Variants in EPHA5 observed in about 807,000 individuals in gnomAD.
EPHA5 encodes ephrin type-A receptor 5.
A neutral mutation model predicts 105.0 loss-of-function variants in EPHA5; 60 were observed. The observed-to-expected ratio is 0.57, with a 90% CI of 0.46 to 0.71. The LOEUF (loss-of-function observed/expected upper bound fraction) is 0.71. Ranked by LOEUF, EPHA5 falls within the 30% of genes least tolerant of loss-of-function variation. The pLI is 0.00. For synonymous variants in EPHA5, 513 were observed against 449.1 expected (o/e 1.14, Z -1.80); for missense variants, 1,218 against 1,274.7 (o/e 0.96, Z 0.68).
chr4:65,569,848 C>G (rs1432402469), intron 3 of EPHA5, among the ~76,000 whole-genome samples: 1 of 151,658 alleles, frequency 6.6e-6, no homozygotes, highest in Non-Finnish European at 1.5e-5. Context: ...TTTGCATACC[C>G]TCATCCTCCA....
At chr4:65,568,158 G>C (rs1051296644) in intron 3 of EPHA5, among the ~76,000 whole-genome samples, 9 of 151,404 alleles carry the variant, frequency 5.9e-5, no homozygotes, top group African/African-American at 2.2e-4. Context: ...TGTTACCTCA[G>C]ATGACAACTA....
intron 8 of EPHA5, among the ~76,000 whole-genome samples, chr4:65,375,681 C>T (rs1297070894): frequency 6.6e-6 from 1 of 151,704 alleles, no homozygotes; most frequent in African/African-American, 2.4e-5. Context: ...GCTTATTCTG[C>T]TTCAGAGATA....
chr4:65,478,962 C>A (rs563598188), intron 5 of EPHA5, among the ~76,000 whole-genome samples: 5 of 152,262 alleles, frequency 3.3e-5, no homozygotes, highest in African/African-American at 1.2e-4. Flanking sequence ...TCTGTAGAAT[C>A]ATGGTCCTAC....
At chr4:65,575,362 A>G (rs538881838) in intron 3 of EPHA5, among the ~76,000 whole-genome samples, 1 of 152,296 alleles carries the variant, frequency 6.6e-6, no homozygotes, top group Non-Finnish European at 1.5e-5. Flanking sequence ...ACTTTGTGGT[A>G]TAGGAATACT....
rs185238770 is a variant in EPHA5 at position 65,565,407 on chromosome 4, G to A, written c.910+36234C>T. Among the ~76,000 whole-genome samples the A allele has an allele frequency of 6.6e-5, 10 of 151,448 alleles. No individual in the cohort carries two copies. In the East Asian group the frequency reaches 1.9e-3, roughly 29 times the overall value. On this transcript the variant is annotated intron_variant, in intron 3 of 16. Coordinates refer to ENST00000613740, the MANE Select transcript of EPHA5 (RefSeq NM_001281766.3). ...AAACTTCTACCCTTACATGCGAAAG[G>A]GACTCACAAACATATAATTAGAAAA...
At chr4:65,632,127 TTAAC>T (rs1432867329) in intron 2 of EPHA5, among the ~76,000 whole-genome samples, 3 of 152,042 alleles carry the variant, frequency 2.0e-5, no homozygotes, top group Admixed American at 6.6e-5. Context: ...AACAGAAAGA[TTAAC>T]TAATTTGTTA....
At chr4:65,351,640 C>A (rs773172533) in intron 12 of EPHA5, 42 bp from the exon 13 acceptor site, 2 of 1,569,282 alleles carry the variant, frequency 1.3e-6, no homozygotes, top group South Asian at 2.2e-5. Flanking sequence ...CAACACCAAT[C>A]ACTGGGGGAA....
intron 8 of EPHA5, among the ~76,000 whole-genome samples, chr4:65,401,737 G>C (rs1721846017): frequency 6.6e-6 from 1 of 152,064 alleles, no homozygotes; most frequent in Non-Finnish European, 1.5e-5. Flanking sequence ...ACTTTCATTA[G>C]ACAAAATGTT....
chr4:65,385,203 AAT>A (rs1221686233), intron 8 of EPHA5, among the ~76,000 whole-genome samples: 5 of 152,034 alleles, frequency 3.3e-5, no homozygotes, highest in Non-Finnish European at 7.4e-5. Context: ...ATCAATTAAA[AAT>A]ATGAGTGGGT....
intron 5 of EPHA5, among the ~76,000 whole-genome samples, chr4:65,430,292 C>G (rs1032196744): frequency 6.6e-6 from 1 of 151,732 alleles, no homozygotes; most frequent in African/African-American, 2.4e-5. Context: ...GAACAGTAGT[C>G]TAGATTCCTA....
intron 3 of EPHA5, among the ~76,000 whole-genome samples, chr4:65,510,919 C>T (rs1293953356): frequency 6.6e-6 from 1 of 152,136 alleles, no homozygotes; most frequent in Non-Finnish European, 1.5e-5. Flanking sequence ...AATATGATCA[C>T]ATTAGGTCAT....
At chr4:65,617,564 T>G (rs1415181665) in intron 2 of EPHA5, among the ~76,000 whole-genome samples, 1 of 152,134 alleles carries the variant, frequency 6.6e-6, no homozygotes, top group East Asian at 1.9e-4. Flanking sequence ...TACTTATCCC[T>G]CCTTTTCCTA....
intron 11 of EPHA5, 24 bp downstream of exon 11, chr4:65,364,991 CAT>C (rs777918352): frequency 1.8e-5 from 28 of 1,593,382 alleles, no homozygotes; most frequent in Non-Finnish European, 2.3e-5. Context: ...TATGCACACA[CAT>C]GTATAATTTG....
chr4:65,582,476 A>T (rs1741723297), intron 3 of EPHA5, among the ~76,000 whole-genome samples: 1 of 84,084 alleles, frequency 1.2e-5, no homozygotes, highest in East Asian at 6.5e-4. Flanking sequence ...GCAATTGGGA[A>T]AAAAAAAAAA....
At chr4:65,614,033 T>C (rs1745010539) in intron 2 of EPHA5, among the ~76,000 whole-genome samples, 1 of 151,970 alleles carries the variant, frequency 6.6e-6, no homozygotes, top group Admixed American at 6.6e-5. Flanking sequence ...CCAAGAATTC[T>C]AGAAAAATAT....
chr4:65,637,360 G>A (rs550050184), intron 2 of EPHA5, among the ~76,000 whole-genome samples: 3 of 151,138 alleles, frequency 2.0e-5, no homozygotes, highest in African/African-American at 2.4e-5. Flanking sequence ...GAGGAGTGTC[G>A]GGTAGTAAAT....
chr4:65,532,700 T>TTAA (rs1735931764), intron 3 of EPHA5, among the ~76,000 whole-genome samples: 1 of 149,966 alleles, frequency 6.7e-6, no homozygotes, highest in Non-Finnish European at 1.5e-5. Context: ...TAACTCCCTT[T>TTAA]TAATCTCTTT....
intron 3 of EPHA5, among the ~76,000 whole-genome samples, chr4:65,548,176 A>G (rs1737566122): frequency 9.9e-6 from 1 of 101,056 alleles, no homozygotes; most frequent in Non-Finnish European, 2.2e-5. Flanking sequence ...CCATACATAA[A>G]CTATTTTGAA....
intron 8 of EPHA5, among the ~76,000 whole-genome samples, chr4:65,385,341 T>A (rs1719978985): frequency 6.6e-6 from 1 of 151,854 alleles, no homozygotes; most frequent in Admixed American, 6.6e-5. Context: ...ACTTTTAAGG[T>A]GGAAAAATCA....
Sources: gnomAD v4.1 joint callset for allele counts (sites outside exome capture counted in the v4.1 genomes callset) on GRCh38, gnomAD v4.1.1 for gene constraint, MANE v1.5 for transcripts, NCBI Gene and HGNC (gene_info 2026-07-23, HGNC 2026-07-21) for gene names.